HRH1: variants seen among roughly 807,000 people sequenced by gnomAD.
HRH1 encodes histamine receptor H1, also known as histamine H1 receptor.
A neutral mutation model predicts 10.3 loss-of-function variants in HRH1; 6 were observed. That is an observed-to-expected ratio of 0.58 (90% confidence interval 0.32 to 1.15). HRH1 has a LOEUF of 1.15. Ranked by LOEUF, HRH1 falls within the 50% of genes most tolerant of loss-of-function variation. HRH1 has a pLI of 0.05. For synonymous variants in HRH1, 242 were observed against 236.7 expected, an observed-to-expected ratio of 1.02 and a Z score of -0.21; for missense variants, 514 against 615.3, an observed-to-expected ratio of 0.84 and a Z score of 1.74.
chr3:11,197,480 G>C (rs1394414096), intron 1 of HRH1, among the ~76,000 whole-genome samples: 2 of 152,242 alleles, frequency 1.3e-5, no homozygotes, highest in East Asian at 1.9e-4. Flanking sequence ...TATATTGTAG[G>C]ATGCTCTATA....
intron 1 of HRH1, among the ~76,000 whole-genome samples, chr3:11,173,251 G>T (rs905706517): frequency 3.3e-5 from 5 of 151,922 alleles, no homozygotes; most frequent in Non-Finnish European, 5.9e-5. Flanking sequence ...CATTTTTCTT[G>T]TCTGTAAAAT....
intron 1 of HRH1, among the ~76,000 whole-genome samples, chr3:11,204,003 C>A (rs1938027322): frequency 6.6e-6 from 1 of 152,152 alleles, no homozygotes; most frequent in Admixed American, 6.5e-5. Context: ...TACCTATATG[C>A]CTGCTTCTAA....
chr3:11,175,038 G>T (rs1471513793), intron 1 of HRH1, among the ~76,000 whole-genome samples: 1 of 152,186 alleles, frequency 6.6e-6, no homozygotes, highest in East Asian at 1.9e-4. Context: ...TCAGTGTTTG[G>T]TGATACAGGA....
chr3:11,187,572 A>G (rs1005789091), intron 1 of HRH1, among the ~76,000 whole-genome samples: 2 of 152,192 alleles, frequency 1.3e-5, no homozygotes, highest in Non-Finnish European at 2.9e-5. Context: ...ACTGATGCAA[A>G]TATACTTAGT....
chr3:11,185,520 G>A (rs980051564), intron 1 of HRH1, among the ~76,000 whole-genome samples: 12 of 152,164 alleles, frequency 7.9e-5, no homozygotes, highest in Non-Finnish European at 1.3e-4. Flanking sequence ...TGAAGTTGGC[G>A]CTCCATGAAT....
chr3:11,259,524 C>G lies in HRH1; in HGVS notation c.487C>G (p.Leu163Val). The G allele has an allele frequency of 6.2e-7, 1 of 1,614,094 alleles. No individual in the cohort carries two copies. The highest frequency in any genetic ancestry group is 8.5e-7 in the Non-Finnish European group (1 of 1,180,016). The change falls in exon 2 of 2, where the codon CTA (leucine) becomes GTA (valine). Residue 163 changes from leucine to valine, a missense_variant. Physicochemically the swap from Leu to Val is conservative, Grantham distance 32. Coordinates refer to ENST00000431010, the MANE Select transcript of HRH1 (RefSeq NM_001098212.2). The surrounding 1 kb of genome is among the most constrained non-coding windows in gnomAD (Gnocchi z 4.6). ...FLSFLWVIPI[L>V]GWNHFMQQTS... ...CTCTTTTCTGTGGGTTATTCCCATTCTAGGCTGGAATCACTTCATGCAGCA... is the reference window on the plus strand; with the variant it reads ...CTCTTTTCTGTGGGTTATTCCCATTGTAGGCTGGAATCACTTCATGCAGCA...
chr3:11,162,374 G>A (rs945084431), intron 1 of HRH1, among the ~76,000 whole-genome samples: 3 of 151,926 alleles, frequency 2.0e-5, no homozygotes, highest in Admixed American at 2.0e-4. Flanking sequence ...CGGGCAAGGG[G>A]GTTGGGGCGA....
At chr3:11,166,314 C>T (rs78469124) in intron 1 of HRH1, among the ~76,000 whole-genome samples, 2,600 of 152,266 alleles carry the variant, frequency 0.017, 64 homozygotes, top group East Asian at 0.11. Flanking sequence ...AGGGGAGAAA[C>T]GCTCTTCCCA....
chr3:11,234,700 G>T, intron 1 of HRH1: 2 of 1,050,372 alleles, frequency 1.9e-6, no homozygotes, highest in Non-Finnish European at 3.0e-6. Context: ...CCTGCCCTGA[G>T]ACCTTGCAGA....
At chr3:11,166,516 C>T (rs973294034) in intron 1 of HRH1, among the ~76,000 whole-genome samples, 2 of 152,096 alleles carry the variant, frequency 1.3e-5, no homozygotes, top group African/African-American at 4.8e-5. Flanking sequence ...TCTCCAGGCC[C>T]GTGACATCTG....
intron 1 of HRH1, among the ~76,000 whole-genome samples, chr3:11,223,574 G>A (rs1359193404): frequency 1.3e-5 from 2 of 152,144 alleles, no homozygotes; most frequent in African/African-American, 4.8e-5. Flanking sequence ...CAGCTTGACT[G>A]TTCTCTAGCT....
At chr3:11,251,209 C>T (rs753620555) in intron 1 of HRH1, among the ~76,000 whole-genome samples, 16 of 152,096 alleles carry the variant, frequency 1.1e-4, no homozygotes, top group Non-Finnish European at 2.1e-4. Flanking sequence ...TAGATTATTC[C>T]CTCAGCTCTC....
chr3:11,252,661 G>T (rs199638668), intron 1 of HRH1: 1 of 152,140 alleles, frequency 6.6e-6, no homozygotes, highest in Non-Finnish European at 1.5e-5. Flanking sequence ...CTAAGGTCTT[G>T]CACTAACCAG....
intron 1 of HRH1, among the ~76,000 whole-genome samples, chr3:11,172,317 G>T (rs1261130006): frequency 1.3e-5 from 2 of 152,238 alleles, no homozygotes; most frequent in African/African-American, 4.8e-5. Flanking sequence ...CTGGGTCCGG[G>T]CAGTAGCCCT....
chr3:11,185,704 C>T (rs1937440618), intron 1 of HRH1, among the ~76,000 whole-genome samples: 1 of 152,038 alleles, frequency 6.6e-6, no homozygotes, highest in South Asian at 2.1e-4. Context: ...AATGACAGTC[C>T]CTCCCTCCTG....
intron 1 of HRH1, among the ~76,000 whole-genome samples, chr3:11,143,844 A>G (rs1481868860): frequency 6.6e-6 from 1 of 152,112 alleles, no homozygotes; most frequent in African/African-American, 2.4e-5. Flanking sequence ...TCCCCCTTCA[A>G]GCCGGATCTT....
chr3:11,167,466 G>A (rs1183074443), intron 1 of HRH1, among the ~76,000 whole-genome samples: 3 of 127,166 alleles, frequency 2.4e-5, no homozygotes, highest in Admixed American at 7.7e-5. Context: ...CTCCAGGCCC[G>A]TGACATCTGC....
Position 11,260,789 on chromosome 3 carries a change from A to C in HRH1, c.*288A>C. 2 of 347,034 alleles carry C rather than the reference A, an allele frequency of 5.8e-6. No individual in the cohort carries two copies. Among genetic ancestry groups the C allele is most frequent in the Non-Finnish European group, 5.5e-6 (1 of 182,350 alleles). 21.5% of individuals were successfully genotyped at this position (347,034 alleles called of 1,614,324 possible). On this transcript the variant is annotated 3_prime_UTR_variant, in exon 2 of 2. Coordinates refer to ENST00000431010, the MANE Select transcript of HRH1 (RefSeq NM_001098212.2). ...GAAAAAAATAATAAAAATAAAAGAG[A>C]GAGAGAATCAGACCTGGGTGGAACT...
chr3:11,152,385 C>T (rs1936654233), upstream of HRH1, among the ~76,000 whole-genome samples: 10 of 152,142 alleles, frequency 6.6e-5, no homozygotes, highest in Admixed American at 6.5e-4. Flanking sequence ...AGCAAAACAA[C>T]CCACACCCTG....
Sources: gnomAD v4.1 joint callset for allele counts (sites outside exome capture counted in the v4.1 genomes callset) on GRCh38, gnomAD v4.1.1 for gene constraint, Gnocchi (gnomAD v3.1) non-coding constraint, MANE v1.5 for transcripts, NCBI Gene and HGNC (gene_info 2026-07-23, HGNC 2026-07-21) for gene names.